Variants in RYR3 observed in about 807,000 individuals in gnomAD.
The protein encoded by RYR3 is brain ryanodine receptor-calcium release channel.
Under a neutral mutation model 584.3 loss-of-function variants are expected in RYR3, and 207 were observed. The observed-to-expected ratio is 0.35, with a 90% CI of 0.32 to 0.40. The LOEUF (loss-of-function observed/expected upper bound fraction) is 0.40. RYR3 is among the 10% of genes least tolerant of loss of function. The probability of loss-of-function intolerance (pLI) is 1.00; values close to 1 mark genes in which losing one functional copy is unlikely to be tolerated. For synonymous variants in RYR3, 2,416 were observed against 2,248.5 expected, an observed-to-expected ratio of 1.07 and a Z score of -2.11; for missense variants, 5,616 against 6,089.2, an observed-to-expected ratio of 0.92 and a Z score of 2.59.
chr15:33,774,302 C>A (rs1272195913), intron 64 of RYR3, among the ~76,000 whole-genome samples: 1 of 152,188 alleles, frequency 6.6e-6, no homozygotes, highest in African/African-American at 2.4e-5. Flanking sequence ...AAAACTAGAT[C>A]TTACTCTTAT....
intron 32 of RYR3, among the ~76,000 whole-genome samples, chr15:33,653,421 C>T (rs2062614125): frequency 6.6e-6 from 1 of 152,116 alleles, no homozygotes; most frequent in African/African-American, 2.4e-5. Flanking sequence ...CCTGTAATCC[C>T]AGCACTTTGG....
intron 36 of RYR3, among the ~76,000 whole-genome samples, chr15:33,667,643 A>G (rs1451281059): frequency 8.5e-5 from 13 of 152,186 alleles, no homozygotes; most frequent in Non-Finnish European, 1.5e-5. Flanking sequence ...TACCTGTATT[A>G]CAGTATAATT....
intron 1 of RYR3, among the ~76,000 whole-genome samples, chr15:33,427,240 A>G (rs1290095913): frequency 6.6e-6 from 1 of 152,136 alleles, no homozygotes; most frequent in Non-Finnish European, 1.5e-5. Flanking sequence ...TCAAAATTTA[A>G]TGTTCCACTC....
Position 33,624,022 on chromosome 15 carries a change from A to G in RYR3, c.2573A>G (p.Gln858Arg). 1 of 1,612,144 alleles carries G rather than the reference A, an allele frequency of 6.2e-7. No individual in the cohort carries two copies. Among genetic ancestry groups the G allele is most frequent in the Non-Finnish European group, 8.5e-7 (1 of 1,178,510 alleles). ...ATCCCATGCCCCGTAGACACCAGTC[A>G]GGTAGGTTCAAATTGCCCGCAGAAG... Reference protein sequence around the residue: ...SFIPCPVDTSQVILPPHLEKI... With the variant: ...SFIPCPVDTSRVILPPHLEKI... Residue 858 changes from glutamine (Q) to arginine (R), a missense_variant and splice_region_variant, in exon 20 of 104, where the codon CAG (glutamine) becomes CGG (arginine). Gln to Arg is a conservative substitution (Grantham distance 43). Coordinates refer to ENST00000634891, the MANE Select transcript of RYR3 (RefSeq NM_001036.6).
At chr15:33,463,282 C>T (rs139321023) in intron 1 of RYR3, among the ~76,000 whole-genome samples, 19 of 152,096 alleles carry the variant, frequency 1.2e-4, no homozygotes, top group Non-Finnish European at 2.1e-4. Flanking sequence ...TTATGATTTG[C>T]TGTAGTATTT....
intron 86 of RYR3, among the ~76,000 whole-genome samples, chr15:33,832,807 C>T (rs550083305): frequency 1.3e-5 from 2 of 151,712 alleles, no homozygotes; most frequent in African/African-American, 2.4e-5. Flanking sequence ...GTCAGAAGTT[C>T]GAGAGCAGCC....
chr15:33,365,454 T>C (rs540803603), intron 1 of RYR3, among the ~76,000 whole-genome samples: 1 of 152,134 alleles, frequency 6.6e-6, no homozygotes, highest in South Asian at 2.1e-4. Flanking sequence ...AGTCAGTGGA[T>C]GGTAAAGACT....
chr15:33,498,616 T>G (rs1319238463), intron 2 of RYR3, among the ~76,000 whole-genome samples: 2 of 152,196 alleles, frequency 1.3e-5, no homozygotes, highest in Non-Finnish European at 1.5e-5. Flanking sequence ...TTTGCAAATA[T>G]TTTCTCCCAT....
chr15:33,725,976 C>CCAAAA (rs1555427643), intron 45 of RYR3, among the ~76,000 whole-genome samples: 1 of 31,514 alleles, frequency 3.2e-5, no homozygotes. Context: ...TCCCCCCCCC[C>CCAAAA]AAAAAAAAAA....
intron 10 of RYR3, among the ~76,000 whole-genome samples, chr15:33,553,327 G>T (rs1460958160): frequency 2.0e-5 from 3 of 152,148 alleles, no homozygotes; most frequent in African/African-American, 7.2e-5. Context: ...TTTTCTGTCA[G>T]GTTGCATTAG....
chr15:33,776,149 T>C (rs2073979257), intron 64 of RYR3, among the ~76,000 whole-genome samples: 1 of 152,216 alleles, frequency 6.6e-6, no homozygotes, highest in Non-Finnish European at 1.5e-5. Context: ...GCTTTCCAGC[T>C]ACACCTGGAG....
intron 1 of RYR3, among the ~76,000 whole-genome samples, chr15:33,398,485 A>C (rs557402190): frequency 6.7e-4 from 102 of 152,364 alleles, no homozygotes; most frequent in African/African-American, 2.0e-3. Context: ...ATTAGGTCAC[A>C]GTGAATTTTG....
intron 2 of RYR3, among the ~76,000 whole-genome samples, chr15:33,481,180 TTATG>T (rs1460862414): frequency 1.3e-5 from 2 of 152,210 alleles, no homozygotes; most frequent in African/African-American, 4.8e-5. Context: ...GTTTTTTACC[TTATG>T]TATGTATTTA....
intron 52 of RYR3, among the ~76,000 whole-genome samples, chr15:33,744,153 A>C (rs933930652): frequency 6.6e-6 from 1 of 152,110 alleles, no homozygotes; most frequent in African/African-American, 2.4e-5. Context: ...AGCGTTCACC[A>C]ACTCATCCTG....
chr15:33,669,096 G>A (rs562424274), intron 36 of RYR3, among the ~76,000 whole-genome samples: 1 of 152,058 alleles, frequency 6.6e-6, no homozygotes, highest in East Asian at 1.9e-4. Flanking sequence ...AATATTAACA[G>A]TAGTTATCTC....
At position 33,853,763 on chromosome 15, in the gene RYR3, G is replaced by A. The variant is rs541942550; in HGVS notation, c.13799+81G>A. 18 of 1,525,312 alleles carry A rather than the reference G, an allele frequency of 1.2e-5. No individual in the cohort carries two copies. In the East Asian group the frequency reaches 1.4e-4, roughly 12 times the overall value. 94.5% of individuals were successfully genotyped at this position (1,525,312 alleles called of 1,614,324 possible). A position where few individuals can be genotyped will look rare whatever the true frequency, so the allele number is the denominator to read the frequency against. On this transcript the variant is annotated intron_variant, in intron 96 of 103. Transcript: ENST00000634891. ...TTTTCCATAGGAAAAAATCACAACC[G>A]TGTCTTTGTTCTCTCAGGCTGTGGT... is the stretch of plus-strand genomic sequence containing the variant.
At chr15:33,372,531 A>T (rs1334084087) in intron 1 of RYR3, among the ~76,000 whole-genome samples, 1 of 151,280 alleles carries the variant, frequency 6.6e-6, no homozygotes, top group African/African-American at 2.4e-5. Context: ...CGCCCAGCTA[A>T]TTTTTTTGGA....
chr15:33,788,502 C>T (rs773567807), intron 67 of RYR3, 44 bp downstream of exon 67: 2 of 1,597,736 alleles, frequency 1.3e-6, no homozygotes, highest in Non-Finnish European at 1.7e-6. Context: ...CTCTGTGGGG[C>T]TAGTTTAGGC....
intron 1 of RYR3, among the ~76,000 whole-genome samples, chr15:33,425,742 TGC>T (rs2044575976): frequency 6.6e-6 from 1 of 150,660 alleles, no homozygotes; most frequent in Non-Finnish European, 1.5e-5. Flanking sequence ...CCCGGGTTCA[TGC>T]CATTCTCCTG....
Sources: gnomAD v4.1 joint callset for allele counts (sites outside exome capture counted in the v4.1 genomes callset) on GRCh38, gnomAD v4.1.1 for gene constraint, MANE v1.5 for transcripts, NCBI Gene and HGNC (gene_info 2026-07-23, HGNC 2026-07-21) for gene names.